The following ANKRD36 variants were observed in gnomAD, a reference collection of about 807,000 sequenced individuals.
ANKRD36 encodes the protein ankyrin repeat domain 36, also known as ankyrin repeat domain-containing protein 36A.
A neutral mutation model predicts 278.1 loss-of-function variants in ANKRD36; 179 were observed. The ratio of observed to expected loss-of-function variants is 0.64; its 90% CI spans 0.57 to 0.73. The LOEUF (loss-of-function observed/expected upper bound fraction) is 0.73. Among genes scored for constraint, ANKRD36 ranks in the 30% least tolerant of loss-of-function variants. The probability of loss-of-function intolerance (pLI) is 0.00; values close to 1 mark genes in which losing one functional copy is unlikely to be tolerated. For missense variants in ANKRD36, 1,159 were observed against 1,956.7 expected, an observed-to-expected ratio of 0.59 and a Z score of 7.69; for synonymous variants, 320 against 641.1, an observed-to-expected ratio of 0.50 and a Z score of 7.57.
intron 22 of ANKRD36, among the ~76,000 whole-genome samples, chr2:97,169,132 T>G (rs187711395): frequency 6.6e-6 from 1 of 152,290 alleles, no homozygotes; most frequent in Admixed American, 6.5e-5. Flanking sequence ...GTTTCCTGAG[T>G]TTTTAATGAT....
chr2:97,117,960 A>G, intron 1 of ANKRD36, 104 bp from the exon 2 acceptor site: 1 of 1,453,118 alleles, frequency 6.9e-7, no homozygotes, highest in South Asian at 1.4e-5. Flanking sequence ...CAAATGTTGT[A>G]CTTTCTTCAC....
At chr2:97,128,124 T>A (rs2039104536) in intron 6 of ANKRD36, among the ~76,000 whole-genome samples, 1 of 151,502 alleles carries the variant, frequency 6.6e-6, no homozygotes, top group Non-Finnish European at 1.5e-5. Flanking sequence ...AATGGAGAAG[T>A]ACAGCTGGTC....
chr2:97,220,756 A>ATTTTTT (rs1229484526), intron 66 of ANKRD36, among the ~76,000 whole-genome samples: 1 of 66,260 alleles, frequency 1.5e-5, no homozygotes. Flanking sequence ...TTAATTTTTA[A>ATTTTTT]TTTTCTTTTT....
At chr2:97,217,599 A>T (rs2066295277) in intron 64 of ANKRD36, among the ~76,000 whole-genome samples, 2 of 152,238 alleles carry the variant, frequency 1.3e-5, no homozygotes, top group South Asian at 4.2e-4. Flanking sequence ...GTGTAGAAGA[A>T]CCATTGGAAA....
At chr2:97,171,444 C>T (rs1231386439) in intron 22 of ANKRD36, among the ~76,000 whole-genome samples, 4 of 142,474 alleles carry the variant, frequency 2.8e-5, no homozygotes, top group Admixed American at 7.2e-5. Flanking sequence ...AGTAAACTAT[C>T]GCAAGAACAA....
At chr2:97,225,940 A>T (rs1257855169) in intron 67 of ANKRD36, among the ~76,000 whole-genome samples, 2 of 151,682 alleles carry the variant, frequency 1.3e-5, no homozygotes, top group Non-Finnish European at 2.9e-5. Context: ...CCATGTCCCT[A>T]CAAAGGACAT....
In ANKRD36 at chr2:97,150,182, C is replaced by T. The variant is rs1574957944; in HGVS notation, c.1101+821C>T. Among the ~76,000 whole-genome samples, 6 of 151,826 alleles carry T rather than the reference C, an allele frequency of 4.0e-5. No individual in the cohort carries two copies. In the South Asian group the frequency reaches 1.3e-3, roughly 32 times the overall value. ...ACTCTTTATTTAATTGAAAAATATG[C>T]ATTTTGTTTAAATAACCTGTTTGAT... On this transcript the variant is annotated intron_variant, in intron 12 of 75. Coordinates refer to ENST00000420699, the MANE Select transcript of ANKRD36 (RefSeq NM_001354587.1).
At chr2:97,131,835 A>T (rs1277823256) in intron 6 of ANKRD36, among the ~76,000 whole-genome samples, 1 of 147,134 alleles carries the variant, frequency 6.8e-6, no homozygotes, top group Admixed American at 6.8e-5. Flanking sequence ...TTATTAATAG[A>T]TTTTTTTTTT....
chr2:97,193,790 G>A (rs2059068449), intron 38 of ANKRD36, among the ~76,000 whole-genome samples: 1 of 151,510 alleles, frequency 6.6e-6, no homozygotes, highest in Non-Finnish European at 1.5e-5. Context: ...AATAAATTTT[G>A]CTTCCTTGTT....
intron 46 of ANKRD36, among the ~76,000 whole-genome samples, chr2:97,201,081 T>C (rs1218233274): frequency 2.5e-4 from 38 of 151,874 alleles, no homozygotes; most frequent in Admixed American, 2.2e-3. Context: ...GCATTTGGAA[T>C]ATTTGCATAA....
intron 66 of ANKRD36, among the ~76,000 whole-genome samples, chr2:97,221,072 C>G (rs1326023999): frequency 7.7e-6 from 1 of 129,948 alleles, no homozygotes; most frequent in Admixed American, 7.6e-5. Flanking sequence ...ATGATGATTT[C>G]CAATTTCATC....
chr2:97,256,592 A>C (rs2153701287), intron 75 of ANKRD36, among the ~76,000 whole-genome samples: 1 of 145,158 alleles, frequency 6.9e-6, no homozygotes, highest in South Asian at 3.0e-4. Flanking sequence ...ATTTGTTGGA[A>C]TAGTCCTTTT....
rs1340278351 is a variant in ANKRD36, at chr2:97,181,604, C to T, written c.1742C>T (p.Ser581Phe). 1 of 1,603,038 alleles carries T rather than the reference C, an allele frequency of 6.2e-7. No homozygotes were observed. Among genetic ancestry groups the T allele is most frequent in the Non-Finnish European group, 8.5e-7 (1 of 1,177,980 alleles). Reference protein sequence around the residue: ...KEGPISGTVSSQKQPAEKATS... With the variant: ...KEGPISGTVSFQKQPAEKATS... ...TTTCCCTTTTGCTTTTCAGTGTCTTCTCAGAAACAACCAGCTGAGAAGGTA... is the reference window on the plus strand; with the variant it reads ...TTTCCCTTTTGCTTTTCAGTGTCTTTTCAGAAACAACCAGCTGAGAAGGTA... Residue 581 changes from serine (S) to phenylalanine (F), a missense_variant, in exon 25 of 76, where the codon TCT becomes TTT. By Grantham distance (155) the Ser-to-Phe change is radical. Transcript: ENST00000420699.
At chr2:97,230,493 T>G (rs2071571241) in intron 67 of ANKRD36, among the ~76,000 whole-genome samples, 1 of 152,120 alleles carries the variant, frequency 6.6e-6, no homozygotes. Flanking sequence ...CTTCATCAGC[T>G]CCTTTAAGCA....
At chr2:97,218,813 T>C (rs1247871926) in intron 64 of ANKRD36, among the ~76,000 whole-genome samples, 2 of 151,084 alleles carry the variant, frequency 1.3e-5, no homozygotes, top group African/African-American at 2.4e-5. Context: ...TTTTTAGCAA[T>C]AGATGTGGTG....
chr2:97,157,353 A>T (rs2047738498), intron 15 of ANKRD36, among the ~76,000 whole-genome samples: 1 of 151,318 alleles, frequency 6.6e-6, no homozygotes, highest in Non-Finnish European at 1.5e-5. Context: ...TTGACTGGTC[A>T]TGTCTCTTTT....
In ANKRD36 at chr2:97,113,617, G is replaced by T; in HGVS notation, c.-123G>T. 6.4e-6 allele frequency: 8 copies of T among 1,253,846 alleles called. No homozygotes were observed. The highest frequency in any genetic ancestry group is 1.4e-5 in the South Asian group (1 of 73,190). The allele number at this position is 1,253,846 out of a possible 1,614,324, so 77.7% of individuals were successfully genotyped here. A position where few individuals can be genotyped will look rare whatever the true frequency, so the allele number is the denominator to read the frequency against. On this transcript the variant is annotated 5_prime_UTR_variant, in exon 1 of 76. Transcript: ENST00000420699. The stretch of plus-strand genomic sequence containing the variant: ...GGGCGTTTCTGCTGAGAGGCGGGAG[G>T]CGCTGAGAGTCTGTGCGGAGGTCCG...
intron 67 of ANKRD36, among the ~76,000 whole-genome samples, chr2:97,231,455 T>A (rs1302391223): frequency 1.3e-4 from 20 of 152,154 alleles, no homozygotes; most frequent in Non-Finnish European, 2.9e-5. Context: ...AGGATATAAT[T>A]TCCTGGTGTG....
intron 54 of ANKRD36, among the ~76,000 whole-genome samples, 196 bp from the exon 55 acceptor site, chr2:97,209,485 G>T (rs1036339478): frequency 1.4e-5 from 2 of 145,824 alleles, no homozygotes; most frequent in Admixed American, 6.8e-5. Flanking sequence ...AATTGTAAGG[G>T]TATATTTCAT....
Sources: gnomAD v4.1 joint callset for allele counts (sites outside exome capture counted in the v4.1 genomes callset) on GRCh38, gnomAD v4.1.1 for gene constraint, MANE v1.5 for transcripts, NCBI Gene and HGNC (gene_info 2026-07-23, HGNC 2026-07-21) for gene names.